Variants in TICAM2 observed in about 807,000 individuals in gnomAD.
The protein encoded by TICAM2 is TIR domain containing adaptor molecule 2.
A neutral mutation model predicts 7.3 loss-of-function variants in TICAM2; 8 were observed. The observed-to-expected ratio is 1.10, with a 90% CI of 0.65 to 1.99. TICAM2 has a LOEUF of 1.99. Ranked by LOEUF, TICAM2 falls within the 30% of genes most tolerant of loss-of-function variation. The probability of loss-of-function intolerance (pLI) is 0.00; values close to 1 mark genes in which losing one functional copy is unlikely to be tolerated. For missense variants in TICAM2, 304 were observed against 278.8 expected (o/e 1.09, Z -0.65); for synonymous variants, 113 against 99.6 (o/e 1.13, Z -0.80).
chr5:115,591,544 G>C (rs895285319), intron 1 of TICAM2, among the ~76,000 whole-genome samples: 1 of 152,136 alleles, frequency 6.6e-6, no homozygotes, highest in Admixed American at 6.5e-5. Context: ...AGGAAAGATT[G>C]AGAATTTTGT....
intron 1 of TICAM2, among the ~76,000 whole-genome samples, chr5:115,590,405 TCTAA>T (rs2127199365): frequency 6.6e-6 from 1 of 152,326 alleles, no homozygotes; most frequent in African/African-American, 2.4e-5. Context: ...AGGACCATTA[TCTAA>T]CTATGAAGAA....
chr5:115,590,628 G>A (rs1368725538), intron 1 of TICAM2, among the ~76,000 whole-genome samples: 1 of 152,152 alleles, frequency 6.6e-6, no homozygotes, highest in Non-Finnish European at 1.5e-5. Flanking sequence ...GATGTATACA[G>A]ATGTCTGAGC....
intron 1 of TICAM2, among the ~76,000 whole-genome samples, chr5:115,588,773 G>A (rs1052594594): frequency 2.0e-5 from 3 of 152,176 alleles, no homozygotes; most frequent in Non-Finnish European, 2.9e-5. Context: ...GGCAGAACAT[G>A]AAGCACCTGT....
chr5:115,580,519 A>AT lies in TICAM2; in HGVS notation c.*29_*30insA, dbSNP rs1377158625. The AT allele has an allele frequency of 6.5e-7, 1 of 1,536,848 alleles. No homozygotes were observed. Among genetic ancestry groups the AT allele is most frequent in the Non-Finnish European group, 8.7e-7 (1 of 1,149,716 alleles). On this transcript the variant is annotated 3_prime_UTR_variant, in exon 2 of 2. Transcript: ENST00000427199. ...AGATTAATCATTTGGTTTACAAAAC[A>AT]AGAGCCAGCCACATGTTATATGTTT...
intron 1 of TICAM2, among the ~76,000 whole-genome samples, chr5:115,587,724 C>T (rs1447183695): frequency 2.0e-5 from 3 of 152,130 alleles, no homozygotes; most frequent in African/African-American, 4.8e-5. Flanking sequence ...CAGTCTGGGA[C>T]CTATGGAGCT....
chr5:115,587,273 A>G (rs1755140385), intron 1 of TICAM2, among the ~76,000 whole-genome samples: 1 of 152,208 alleles, frequency 6.6e-6, no homozygotes, highest in South Asian at 2.1e-4. Flanking sequence ...GACTTGACAC[A>G]GGTTAAAATA....
At position 115,578,902 on chromosome 5, in the gene TICAM2, C is replaced by G. The variant is rs538802063; in HGVS notation, c.*1647G>C. 1 of 152,668 alleles carries G rather than the reference C, an allele frequency of 6.6e-6. No individual in the cohort carries two copies. Among genetic ancestry groups the G allele is most frequent in the South Asian group, 2.1e-4 (1 of 4,826 alleles). 9.5% of individuals were successfully genotyped at this position (152,668 alleles called of 1,614,324 possible). A position where few individuals can be genotyped will look rare whatever the true frequency, so the allele number is the denominator to read the frequency against. ...CATCTCCTCCTCTAATAAGTACTAA[C>G]AGAATAGGAGGCTTGACTTACTTGC... is the stretch of plus-strand genomic sequence containing the variant. On this transcript the variant is annotated 3_prime_UTR_variant, in exon 2 of 2. Coordinates refer to ENST00000427199, the MANE Select transcript of TICAM2 (RefSeq NM_021649.7).
At chr5:115,590,877 A>C (rs1005030843) in intron 1 of TICAM2, among the ~76,000 whole-genome samples, 1 of 152,130 alleles carries the variant, frequency 6.6e-6, no homozygotes, top group African/African-American at 2.4e-5. Flanking sequence ...AGATCCATTT[A>C]ACTATACCAT....
At chr5:115,594,685 A>T (rs112669972) in intron 1 of TICAM2, among the ~76,000 whole-genome samples, 3,892 of 152,320 alleles carry the variant, frequency 0.026, 71 homozygotes, top group Middle Eastern at 0.044. Context: ...TTAGAAAAAA[A>T]ATATATGATA....
intron 1 of TICAM2, among the ~76,000 whole-genome samples, chr5:115,597,886 A>G (rs1755572126): frequency 6.6e-6 from 1 of 152,188 alleles, no homozygotes. Flanking sequence ...GGACCCACAT[A>G]ATACAAACCC....
chr5:115,597,258 T>C (rs1755545012), intron 1 of TICAM2, among the ~76,000 whole-genome samples: 1 of 152,204 alleles, frequency 6.6e-6, no homozygotes, highest in Admixed American at 6.5e-5. Context: ...TTGACAGACC[T>C]TTTTGTCAGT....
chr5:115,601,080 T>C (rs1437178720), intron 1 of TICAM2, among the ~76,000 whole-genome samples: 2 of 152,212 alleles, frequency 1.3e-5, no homozygotes, highest in African/African-American at 4.8e-5. Context: ...TACCTGCTTA[T>C]CTATTTTCTG....
In TICAM2 at chr5:115,581,195, T is replaced by A; in HGVS notation, c.62A>T (p.His21Leu). 1 of 1,613,236 alleles carries A rather than the reference T, an allele frequency of 6.2e-7. No individual in the cohort carries two copies. The highest frequency in any genetic ancestry group is 1.3e-5 in the African/African-American group (1 of 75,052). ...ATATCCTGGACTTGTATCCACACTGTGCCTTTTACCCCAAGAGAGAGAAAG... is the reference window on the plus strand; with the variant it reads ...ATATCCTGGACTTGTATCCACACTGAGCCTTTTACCCCAAGAGAGAGAAAG... ...CPLSLSWGKR[H>L]SVDTSPGYHE... The change falls in exon 2 of 2, where the codon CAC becomes CTC. Residue 21 changes from histidine to leucine, a missense_variant. His to Leu is a moderately conservative substitution (Grantham distance 99). Coordinates refer to ENST00000427199, the MANE Select transcript of TICAM2 (RefSeq NM_021649.7).
rs1191504542 is a variant in TICAM2, at chr5:115,579,551, T to C, written c.*998A>G. On this transcript the variant is annotated 3_prime_UTR_variant, in exon 2 of 2. Coordinates refer to ENST00000427199, the MANE Select transcript of TICAM2 (RefSeq NM_021649.7). ...CTGTGGAGGAAAGAAACAATCCTGTTTGGGGCCTCTCTGGCTTGTTAGGAG... is the reference window on the plus strand; with the variant it reads ...CTGTGGAGGAAAGAAACAATCCTGTCTGGGGCCTCTCTGGCTTGTTAGGAG... 1.3e-5 allele frequency: 2 copies of C among 152,214 alleles called. No homozygotes were observed. Among genetic ancestry groups the C allele is most frequent in the East Asian group, 1.9e-4 (1 of 5,206 alleles). 9.4% of individuals were successfully genotyped at this position (152,214 alleles called of 1,614,324 possible).
chr5:115,590,518 A>C (rs1442679894), intron 1 of TICAM2, among the ~76,000 whole-genome samples: 1 of 152,318 alleles, frequency 6.6e-6, no homozygotes. Context: ...ATTAATGTAC[A>C]TTTTCTAAAT....
At chr5:115,597,442 GATA>G (rs1467701206) in intron 1 of TICAM2, among the ~76,000 whole-genome samples, 1 of 152,098 alleles carries the variant, frequency 6.6e-6, no homozygotes, top group Non-Finnish European at 1.5e-5. Flanking sequence ...ACTGGGGAAT[GATA>G]ATATTAACTA....
intron 1 of TICAM2, among the ~76,000 whole-genome samples, chr5:115,589,998 A>C (rs1287761594): frequency 3.3e-5 from 5 of 152,220 alleles, no homozygotes; most frequent in African/African-American, 1.2e-4. Context: ...AACCAATCCA[A>C]ATATATTTTG....
chr5:115,581,378 T>C, intron 1 of TICAM2, 63 bp from the exon 2 acceptor site: 1 of 1,490,808 alleles, frequency 6.7e-7, no homozygotes, highest in Non-Finnish European at 8.9e-7. Context: ...AAATGGAAAC[T>C]TTCATTCAAA....
intron 1 of TICAM2, among the ~76,000 whole-genome samples, chr5:115,593,772 T>C (rs1026532814): frequency 9.2e-5 from 14 of 152,194 alleles, no homozygotes; most frequent in African/African-American, 3.1e-4. Flanking sequence ...CAACACTTAC[T>C]ATAAAGTTAC....
Sources: gnomAD v4.1 joint callset for allele counts (sites outside exome capture counted in the v4.1 genomes callset) on GRCh38, gnomAD v4.1.1 for gene constraint, MANE v1.5 for transcripts, NCBI Gene and HGNC (gene_info 2026-07-23, HGNC 2026-07-21) for gene names.